TAB2: variants seen among roughly 807,000 people sequenced by gnomAD.
TAB2 encodes the protein TGF-beta activated kinase 1 (MAP3K7) binding protein 2, also known as TGF-beta-activated kinase 1 and MAP3K7-binding protein 2.
In TAB2, 3 loss-of-function variants were observed where a neutral mutation model predicts 65.0. The ratio of observed to expected loss-of-function variants is 0.05; its 90% CI spans 0.02 to 0.12. The LOEUF (loss-of-function observed/expected upper bound fraction) is 0.12, where lower values mean the gene tolerates loss of function less well. TAB2 is among the 10% of genes least tolerant of loss of function. TAB2 has a pLI of 1.00. For missense variants in TAB2, 623 were observed against 840.3 expected, an observed-to-expected ratio of 0.74 and a Z score of 3.20; for synonymous variants, 298 against 285.1, an observed-to-expected ratio of 1.05 and a Z score of -0.46.
At position 149,399,169 on chromosome 6, in the gene TAB2, C is replaced by T; in HGVS notation, c.1924C>T (p.Pro642Ser). ...YDNIGFVGPV[P>S]PKPKDQRSII... ...CAATATTGGATTTGTAGGTCCTGTGCCACCAAAACCCAAAGGTTAGTGTAT... is the reference window on the plus strand; with the variant it reads ...CAATATTGGATTTGTAGGTCCTGTGTCACCAAAACCCAAAGGTTAGTGTAT... The change falls in exon 6 of 7, where the codon CCA becomes TCA. Residue 642 changes from proline (P) to serine (S), a missense_variant. Transcript: ENST00000637181. 6.2e-7 allele frequency: 1 copy of T among 1,613,296 alleles called. No individual in the cohort carries two copies.
chr6:149,343,253 T>C (rs1321546878), intron 1 of TAB2, among the ~76,000 whole-genome samples: 2 of 152,138 alleles, frequency 1.3e-5, no homozygotes, highest in African/African-American at 4.8e-5. Context: ...ACCCTACTAA[T>C]GCCTTTACCT....
intron 1 of TAB2, among the ~76,000 whole-genome samples, chr6:149,354,926 A>G (rs1250862041): frequency 1.3e-5 from 2 of 152,200 alleles, no homozygotes; most frequent in Admixed American, 6.5e-5. Context: ...TTTCTGTGTG[A>G]CTGTATCTGC....
rs1482743826 is a variant in TAB2 at position 149,366,662 on chromosome 6, G to GT, written c.-89-3241dup. On this transcript the variant is annotated intron_variant, in intron 1 of 6. Coordinates refer to ENST00000637181, the MANE Select transcript of TAB2 (RefSeq NM_001292034.3). The stretch of plus-strand genomic sequence containing the variant: ...AATTTGTTTCTTCCTCCTTCAGGTA[G>GT]TTTTTTATGCATTTCTACTGTTTAT... 3.3e-5 allele frequency among the ~76,000 whole-genome samples: 5 copies of GT among 152,074 alleles called. No homozygotes were observed. In the East Asian group the frequency reaches 5.8e-4, roughly 18 times the overall value.
At chr6:149,360,391 G>A (rs1228267630) in intron 1 of TAB2, among the ~76,000 whole-genome samples, 1 of 152,188 alleles carries the variant, frequency 6.6e-6, no homozygotes, top group Non-Finnish European at 1.5e-5. Flanking sequence ...CGAAGGCACA[G>A]GGGAAGCCAG....
intron 1 of TAB2, among the ~76,000 whole-genome samples, chr6:149,335,937 TATA>T (rs750596066): frequency 6.6e-6 from 1 of 152,194 alleles, no homozygotes; most frequent in Non-Finnish European, 1.5e-5. Flanking sequence ...TCTATTTCTT[TATA>T]ATGTTTCACA....
intron 2 of TAB2, among the ~76,000 whole-genome samples, chr6:149,371,831 AAAAT>A (rs1781236726): frequency 1.3e-5 from 2 of 152,224 alleles, no homozygotes; most frequent in East Asian, 3.8e-4. Context: ...ATGTGAAAAA[AAAAT>A]GAGAGAATAA....
At chr6:149,307,833 A>C (rs1383239324) in intron 1 of TAB2, among the ~76,000 whole-genome samples, 2 of 152,210 alleles carry the variant, frequency 1.3e-5, no homozygotes, top group East Asian at 3.8e-4. Flanking sequence ...AAAAGGTACA[A>C]AGAATAAAAC....
At chr6:149,408,237 A>G (rs1782731966) in intron 6 of TAB2, among the ~76,000 whole-genome samples, 3 of 152,174 alleles carry the variant, frequency 2.0e-5, no homozygotes, top group East Asian at 3.9e-4. Flanking sequence ...TTTTTTAGAT[A>G]TTTTTACTTA....
intron 1 of TAB2, among the ~76,000 whole-genome samples, chr6:149,319,430 T>C (rs2114723664): frequency 6.6e-6 from 1 of 152,338 alleles, no homozygotes; most frequent in Non-Finnish European, 1.5e-5. Context: ...TTTTCTTTTG[T>C]TGTAGGCTTT....
chr6:149,249,776 C>A (rs955768533), intron 1 of TAB2, among the ~76,000 whole-genome samples: 2 of 152,206 alleles, frequency 1.3e-5, no homozygotes, highest in African/African-American at 2.4e-5. Context: ...TACTGACAGT[C>A]AGTAACTGCC....
intron 2 of TAB2, among the ~76,000 whole-genome samples, chr6:149,373,356 A>G (rs1781292301): frequency 6.6e-6 from 1 of 152,190 alleles, no homozygotes; most frequent in South Asian, 2.1e-4. Flanking sequence ...TTTTTCATTC[A>G]GTATATGCAA....
intron 3 of TAB2, among the ~76,000 whole-genome samples, chr6:149,389,590 A>G (rs913883244): frequency 6.7e-6 from 1 of 148,908 alleles, no homozygotes; most frequent in Non-Finnish European, 1.5e-5. Context: ...GGTTGTGGTG[A>G]GCCAAGATCA....
intron 1 of TAB2, among the ~76,000 whole-genome samples, chr6:149,300,732 T>G (rs1237597232): frequency 6.6e-6 from 1 of 152,134 alleles, no homozygotes; most frequent in Admixed American, 6.5e-5. Context: ...ACTGAGGAAA[T>G]TCATCCTAAG....
At chr6:149,357,784 C>T (rs1780713011) in intron 1 of TAB2, among the ~76,000 whole-genome samples, 1 of 151,896 alleles carries the variant, frequency 6.6e-6, no homozygotes, top group African/African-American at 2.4e-5. Flanking sequence ...ACTGCAACCT[C>T]CATCTCCCAG....
chr6:149,402,411 G>A (rs1167056618), intron 6 of TAB2, among the ~76,000 whole-genome samples: 1 of 151,952 alleles, frequency 6.6e-6, no homozygotes, highest in Non-Finnish European at 1.5e-5. Flanking sequence ...AGACTGAGTA[G>A]ACCAATAACA....
intron 6 of TAB2, among the ~76,000 whole-genome samples, chr6:149,402,853 C>T (rs558737198): frequency 6.6e-6 from 1 of 152,150 alleles, no homozygotes; most frequent in Admixed American, 6.5e-5. Context: ...ATACAGCACA[C>T]ACATTGAAGT....
upstream of TAB2, among the ~76,000 whole-genome samples, chr6:149,312,971 C>T (rs1384444048): frequency 2.0e-5 from 3 of 151,834 alleles, no homozygotes; most frequent in African/African-American, 4.8e-5. Flanking sequence ...AATTTTGTAT[C>T]CGTTATCTCA....
intron 1 of TAB2, among the ~76,000 whole-genome samples, chr6:149,264,095 C>T (rs138802273): frequency 2.0e-4 from 30 of 152,164 alleles, no homozygotes; most frequent in African/African-American, 6.8e-4. Context: ...TGTGTTGGCC[C>T]GAGGACCCAG....
In TAB2 at chr6:149,409,765, G is replaced by C; in HGVS notation, c.*46G>C. Reference sequence around the variant, plus strand: ...CTCTAAAACCACATCTAAAGTTCAAGAAACTAGTCTGTCATCGGGAAAAAG... The same window carrying C: ...CTCTAAAACCACATCTAAAGTTCAACAAACTAGTCTGTCATCGGGAAAAAG... On this transcript the variant is annotated 3_prime_UTR_variant, in exon 7 of 7. Coordinates refer to ENST00000637181, the MANE Select transcript of TAB2 (RefSeq NM_001292034.3). The C allele has an allele frequency of 6.2e-7, 1 of 1,611,228 alleles. No individual in the cohort carries two copies. The highest frequency in any genetic ancestry group is 8.5e-7 in the Non-Finnish European group (1 of 1,177,574).
Sources: allele counts gnomAD v4.1 joint callset (sites outside exome capture counted in the v4.1 genomes callset), GRCh38; gene constraint gnomAD v4.1.1; transcripts MANE v1.5; gene names NCBI Gene and HGNC (gene_info 2026-07-23, HGNC 2026-07-21).